The following PTDSS2 variants were observed in gnomAD, a reference collection of about 807,000 sequenced individuals.
PTDSS2 encodes the protein PSS-2.
PTDSS2 carries 41 observed loss-of-function variants against 64.7 expected under a neutral mutation model. That is an observed-to-expected ratio of 0.63 (90% confidence interval 0.49 to 0.82). The LOEUF is 0.82. PTDSS2 is among the 40% of genes least tolerant of loss of function. The probability of loss-of-function intolerance (pLI) is 0.00; values close to 1 mark genes in which losing one functional copy is unlikely to be tolerated. For synonymous variants in PTDSS2, 297 were observed against 277.8 expected, an observed-to-expected ratio of 1.07 and a Z score of -0.69; for missense variants, 485 against 650.0, an observed-to-expected ratio of 0.75 and a Z score of 2.76.
rs1554958459 is a variant in PTDSS2, at chr11:490,421, G to T, written c.1303G>T (p.Asp435Tyr). The stretch of plus-strand genomic sequence containing the variant: ...GTGACGCTGCATCCCGCTCCCCAGG[G>T]ACATCACATTGAGGTACAAGGAGAC... Reference protein sequence around the residue: ...TWTVWRFFLRDITLRYKETRW... With the variant: ...TWTVWRFFLRYITLRYKETRW... Residue 435 changes from aspartate (D) to tyrosine (Y), a missense_variant and splice_region_variant, in exon 12 of 12, where the codon GAC (aspartate) becomes TAC (tyrosine). Transcript: ENST00000308020. 1 of 1,613,268 alleles carries T rather than the reference G, an allele frequency of 6.2e-7. No homozygotes were observed. Among genetic ancestry groups the T allele is most frequent in the South Asian group, 1.1e-5 (1 of 91,088 alleles).
Position 488,647 on chromosome 11 carries a change from A to G in PTDSS2, c.854A>G (p.Lys285Arg), listed in dbSNP as rs764491363. ...GGCCTCTGGAACATTCCGACCTACA[A>G]GTACGTCGTGGGGGCTGCGAGGGCA... is the stretch of plus-strand genomic sequence containing the variant. ...WQGLWNIPTY[K>R]GKMKRIAFQF... Residue 285 changes from lysine to arginine, a missense_variant and splice_region_variant, in exon 8 of 12, where the codon AAG (lysine) becomes AGG (arginine). Transcript: ENST00000308020. 3.1e-6 allele frequency: 5 copies of G among 1,592,430 alleles called. No homozygotes were observed. The highest frequency in any genetic ancestry group is 2.7e-5 in the African/African-American group (2 of 74,422).
chr11:471,967 A>AGATGGCGGCCTGGGGTGACGCG (rs756015978), intron 2 of PTDSS2, among the ~76,000 whole-genome samples: 1,805 of 65,708 alleles, frequency 0.027, 68 homozygotes, highest in Admixed American at 0.065. Context: ...GGGGTGATGC[A>AGATGGCGGCCTGGGGTGACGCG]GATGGCGGCC....
chr11:480,628 A>G, intron 4 of PTDSS2: 1 of 153,064 alleles, frequency 6.5e-6, no homozygotes, highest in South Asian at 2.0e-4. Flanking sequence ...GTGTGATCTC[A>G]GCTCACTGTA....
chr11:490,424 A>G lies in PTDSS2; in HGVS notation c.1306A>G (p.Ile436Val), dbSNP rs778634802. 26 of 1,613,250 alleles carry G rather than the reference A, an allele frequency of 1.6e-5. No homozygotes were observed. The highest frequency in any genetic ancestry group is 2.1e-5 in the Non-Finnish European group (25 of 1,179,944). ...ACGCTGCATCCCGCTCCCCAGGGAC[A>G]TCACATTGAGGTACAAGGAGACCCG... The part of the protein sequence containing the change: ...WTVWRFFLRD[I>V]TLRYKETRWQ... The change falls in exon 12 of 12, where the codon ATC becomes GTC. Residue 436 changes from isoleucine (I) to valine (V), a missense_variant. Ile to Val is a conservative substitution (Grantham distance 29). Coordinates refer to ENST00000308020, the MANE Select transcript of PTDSS2 (RefSeq NM_030783.3).
Position 461,776 on chromosome 11 carries a change from G to A in PTDSS2, c.284+1488G>A, listed in dbSNP as rs925864449. Among the ~76,000 whole-genome samples, 20 of 152,268 alleles carry A rather than the reference G, an allele frequency of 1.3e-4. No homozygotes were observed. Among genetic ancestry groups the A allele is most frequent in the African/African-American group, 3.9e-4 (16 of 41,552 alleles). ...GGTCACGTGCAGAACCTGCAGGCCC[G>A]GTGTGCACTGTGTAACTAGGCTCCA... On this transcript the variant is annotated intron_variant, in intron 2 of 11. Coordinates refer to ENST00000308020, the MANE Select transcript of PTDSS2 (RefSeq NM_030783.3). This position sits in a 1 kb window ranked among gnomAD's most constrained non-coding sequence, Gnocchi z 4.2.
chr11:485,479 T>C (rs1312859233), intron 4 of PTDSS2, among the ~76,000 whole-genome samples: 1 of 138,106 alleles, frequency 7.2e-6, no homozygotes, highest in South Asian at 2.3e-4. Flanking sequence ...GTGTGTGTGC[T>C]CACTGTGCAG....
chr11:486,444 G>A (rs909822496), intron 4 of PTDSS2, among the ~76,000 whole-genome samples: 3 of 152,188 alleles, frequency 2.0e-5, no homozygotes, highest in African/African-American at 7.2e-5. Flanking sequence ...TCGTGCCTGG[G>A]GGTTCCTTCC....
intron 1 of PTDSS2, among the ~76,000 whole-genome samples, chr11:451,851 C>T (rs563205645): frequency 1.5e-4 from 23 of 152,192 alleles, no homozygotes; most frequent in Non-Finnish European, 2.5e-4. Context: ...TGGGCAGCTG[C>T]TGTTGCAGGG....
In PTDSS2 at chr11:462,105, A is replaced by G. The variant is rs767086; in HGVS notation, c.284+1817A>G. ...GGAGTGCAGGGGGTGTCTTGGGAGC[A>G]CTCCCCGAAAGCATTCACCAGGCCC... On this transcript the variant is annotated intron_variant, in intron 2 of 11. Coordinates refer to ENST00000308020, the MANE Select transcript of PTDSS2 (RefSeq NM_030783.3). This position sits in a 1 kb window ranked among gnomAD's most constrained non-coding sequence, Gnocchi z 4.5. Among the ~76,000 whole-genome samples the G allele has an allele frequency of 0.037, 5,611 of 151,634 alleles. 364 individuals carry two copies. The highest frequency in any genetic ancestry group is 0.13 in the African/African-American group (5,335 of 41,314).
Position 490,815 on chromosome 11 carries a change from T to TGC in PTDSS2, c.*234_*235insCG, listed in dbSNP as rs1451432635. On this transcript the variant is annotated 3_prime_UTR_variant, in exon 12 of 12. Coordinates refer to ENST00000308020, the MANE Select transcript of PTDSS2 (RefSeq NM_030783.3). ...GTGTGTGTACGCGTGTGTACGCGCG[T>TGC]GTGTACACATGCGTGGCCGCCTGTG... The TGC allele has an allele frequency of 7.4e-5, 42 of 570,016 alleles. 1 individual carries two copies. The highest frequency in any genetic ancestry group is 1.2e-4 in the Non-Finnish European group (38 of 324,394). The allele number at this position is 570,016 out of a possible 1,614,324, so 35.3% of individuals were successfully genotyped here. A position where few individuals can be genotyped will look rare whatever the true frequency, so the allele number is the denominator to read the frequency against.
At position 489,381 on chromosome 11, in the gene PTDSS2, C is replaced by T. The variant is rs910537035; in HGVS notation, c.855-19C>T. Reference sequence around the variant, plus strand: ...TCGGTGGGCTGCCTTCCTCAGGCTGCCGGCTCTGTGGTTCCCAGGGGCAAG... The same window carrying T: ...TCGGTGGGCTGCCTTCCTCAGGCTGTCGGCTCTGTGGTTCCCAGGGGCAAG... On this transcript the variant is annotated intron_variant, in intron 8 of 11. Coordinates refer to ENST00000308020, the MANE Select transcript of PTDSS2 (RefSeq NM_030783.3). 8 of 1,606,402 alleles carry T rather than the reference C, an allele frequency of 5.0e-6. 1 individual carries two copies. In the Admixed American group the frequency reaches 8.4e-5, roughly 17 times the overall value.
chr11:478,470 G>A (rs1254573412), intron 3 of PTDSS2, among the ~76,000 whole-genome samples: 1 of 151,304 alleles, frequency 6.6e-6, no homozygotes, highest in Non-Finnish European at 1.5e-5. Context: ...AAAGTGGCCA[G>A]CCACAGTAGC....
chr11:455,980 A>T (rs891891023), intron 1 of PTDSS2, among the ~76,000 whole-genome samples: 1 of 151,996 alleles, frequency 6.6e-6, no homozygotes, highest in African/African-American at 2.4e-5. Context: ...GCCTTGCTGC[A>T]TGACCTTCAC....
chr11:475,146 T>TATGG, intron 3 of PTDSS2, among the ~76,000 whole-genome samples: 6 of 143,982 alleles, frequency 4.2e-5, no homozygotes, highest in South Asian at 2.2e-4. Flanking sequence ...GTTTGTGTGA[T>TATGG]ACGGACATAT....
intron 1 of PTDSS2, chr11:451,295 G>A (rs1846316481): frequency 2.4e-6 from 1 of 410,868 alleles, no homozygotes; most frequent in Admixed American, 2.5e-5. Context: ...GCCTTTAATG[G>A]GGGTGGAAAA....
chr11:454,056 G>A (rs1008473842), intron 1 of PTDSS2, among the ~76,000 whole-genome samples: 1 of 152,252 alleles, frequency 6.6e-6, no homozygotes, highest in Non-Finnish European at 1.5e-5. Flanking sequence ...AGAGTCTCAT[G>A]CTATCTTGAG....
At chr11:487,293 C>A in intron 5 of PTDSS2, 127 bp from the exon 6 acceptor site, 3 of 1,032,740 alleles carry the variant, frequency 2.9e-6, no homozygotes, top group Non-Finnish European at 3.0e-6. Flanking sequence ...GCCACGGCAG[C>A]ACCTGTGAGT....
Position 462,855 on chromosome 11 carries a change from G to A in PTDSS2, c.284+2567G>A, listed in dbSNP as rs61876323. On this transcript the variant is annotated intron_variant, in intron 2 of 11. Coordinates refer to ENST00000308020, the MANE Select transcript of PTDSS2 (RefSeq NM_030783.3). The surrounding 1 kb of genome is among the most constrained non-coding windows in gnomAD (Gnocchi z 4.5). ...ACTAGAATTATCTGATGTCCTCAAGGGTAGATTTTCTTATATAGAAAATAC... is the reference window on the plus strand; with the variant it reads ...ACTAGAATTATCTGATGTCCTCAAGAGTAGATTTTCTTATATAGAAAATAC... 0.098 allele frequency: 14,965 copies of A among 152,240 alleles called. 1,021 individuals are homozygous for A. The highest frequency in any genetic ancestry group is 0.19 in the Admixed American group (2,848 of 15,290). 9.4% of individuals were successfully genotyped at this position (152,240 alleles called of 1,614,324 possible).
At chr11:457,292 C>T (rs1236864568) in intron 1 of PTDSS2, among the ~76,000 whole-genome samples, 1 of 152,270 alleles carries the variant, frequency 6.6e-6, no homozygotes, top group Admixed American at 6.5e-5. Flanking sequence ...CACACCAGAA[C>T]ATTCCATCAT....
Sources: gnomAD v4.1 joint callset for allele counts (sites outside exome capture counted in the v4.1 genomes callset) on GRCh38, gnomAD v4.1.1 for gene constraint, Gnocchi (gnomAD v3.1) non-coding constraint, MANE v1.5 for transcripts, NCBI Gene and HGNC (gene_info 2026-07-23, HGNC 2026-07-21) for gene names.